MORF4L1: variants seen among roughly 807,000 people sequenced by gnomAD.
The protein encoded by MORF4L1 is mortality factor 4-like protein 1.
Under a neutral mutation model 52.9 loss-of-function variants are expected in MORF4L1, and 4 were observed. The observed-to-expected ratio is 0.08, with a 90% CI of 0.04 to 0.17. The LOEUF (loss-of-function observed/expected upper bound fraction) is 0.17. Ranked by LOEUF, MORF4L1 falls within the 10% of genes least tolerant of loss-of-function variation. The probability of loss-of-function intolerance (pLI) is 1.00; values close to 1 mark genes in which losing one functional copy is unlikely to be tolerated. For synonymous variants in MORF4L1, 123 were observed against 134.8 expected (o/e 0.91, Z 0.61); for missense variants, 214 against 390.4 (o/e 0.55, Z 3.81).
At chr15:78,890,907 GAACT>G in intron 5 of MORF4L1, 78 bp from the exon 6 acceptor site, 1 of 1,251,896 alleles carries the variant, frequency 8.0e-7, no homozygotes, top group Non-Finnish European at 1.0e-6. Flanking sequence ...ATTTCTCTGT[GAACT>G]TAACCCTGAT....
At chr15:78,876,426 A>G (rs750613702) in intron 1 of MORF4L1, 2 of 393,118 alleles carry the variant, frequency 5.1e-6, no homozygotes, top group Non-Finnish European at 1.0e-5. Flanking sequence ...TGTTTTGTTT[A>G]GATTTTGAGA....
chr15:78,892,352 T>TA, intron 8 of MORF4L1, 39 bp downstream of exon 8: 3 of 1,451,868 alleles, frequency 2.1e-6, no homozygotes, highest in Non-Finnish European at 2.9e-6. Flanking sequence ...AGCTATATGA[T>TA]ACATTCTTGC....
intron 2 of MORF4L1, among the ~76,000 whole-genome samples, chr15:78,879,672 A>C (rs946688175): frequency 1.3e-5 from 2 of 152,128 alleles, no homozygotes; most frequent in Non-Finnish European, 2.9e-5. Context: ...GCTGTGACGT[A>C]CAAGCCTGTA....
chr15:78,887,324 G>A lies in MORF4L1; in HGVS notation c.298G>A (p.Gly100Ser), dbSNP rs2056723381. 6.2e-7 allele frequency: 1 copy of A among 1,611,804 alleles called. No homozygotes were observed. The highest frequency in any genetic ancestry group is 8.5e-7 in the Non-Finnish European group (1 of 1,179,504). ...RGAAPGKKTS[G>S]LQQKNVEVKT... ...GGCTGCCCCAGGAAAGAAGACATCTGGTCTGCAACAGAAAAATGTTGAAGT... is the reference window on the plus strand; with the variant it reads ...GGCTGCCCCAGGAAAGAAGACATCTAGTCTGCAACAGAAAAATGTTGAAGT... Residue 100 changes from glycine (G) to serine (S), a missense_variant, in exon 5 of 12, where the codon GGT becomes AGT. This residue lies in a region of MORF4L1 where 84 missense variants were observed against 116.3 expected (regional missense o/e 0.72). Coordinates refer to ENST00000426013, the MANE Select transcript of MORF4L1 (RefSeq NM_006791.4).
chr15:78,873,085 A>G (rs546504963), intron 1 of MORF4L1, 28 bp downstream of exon 1: 1 of 1,550,028 alleles, frequency 6.5e-7, no homozygotes, highest in African/African-American at 1.4e-5. Flanking sequence ...GGAAAAAGGC[A>G]CCTAACGGCG....
At chr15:78,873,876 GTAAA>G (rs1042673870) in intron 1 of MORF4L1, 1 of 152,254 alleles carries the variant, frequency 6.6e-6, no homozygotes, top group African/African-American at 2.4e-5. Context: ...CTCGTAAAAA[GTAAA>G]TAAAAATGAT....
rs370084173 is a variant in MORF4L1, at chr15:78,873,029, G to A, written c.12G>A (p.Lys4=). 123 of 1,552,718 alleles carry A rather than the reference G, an allele frequency of 7.9e-5. No individual in the cohort carries two copies. Among genetic ancestry groups the A allele is most frequent in the Non-Finnish European group, 9.5e-5 (109 of 1,147,436 alleles). MAP[K]QDPKPKFQEG... ...CGAATCACTTATAAATGGCGCCGAAGCAGGACCCGAAGCCTAAATTCCAGG... is the reference window on the plus strand; with the variant it reads ...CGAATCACTTATAAATGGCGCCGAAACAGGACCCGAAGCCTAAATTCCAGG... The change falls in exon 1 of 12, where the codon AAG becomes AAA. Residue 4 remains lysine, a synonymous_variant. Coordinates refer to ENST00000426013, the MANE Select transcript of MORF4L1 (RefSeq NM_006791.4).
In MORF4L1 at chr15:78,879,910, G is replaced by A. The variant is rs150086538; in HGVS notation, c.88-602G>A. On this transcript the variant is annotated intron_variant, in intron 2 of 11. Transcript: ENST00000426013. ...CCTGACACTCTGGTGAACAATTTTCGAATTGAAGCTATTGAAACAAATTAA... is the reference window on the plus strand; with the variant it reads ...CCTGACACTCTGGTGAACAATTTTCAAATTGAAGCTATTGAAACAAATTAA... Among the ~76,000 whole-genome samples, 1,490 of 152,228 alleles carry A rather than the reference G, an allele frequency of 9.8e-3. 30 individuals carry two copies. Among genetic ancestry groups the A allele is most frequent in the African/African-American group, 0.035 (1,439 of 41,532 alleles).
intron 1 of MORF4L1, among the ~76,000 whole-genome samples, chr15:78,875,019 C>T (rs1162325099): frequency 6.6e-6 from 1 of 152,032 alleles, no homozygotes; most frequent in Non-Finnish European, 1.5e-5. Context: ...TTTCAGTTAT[C>T]GCATTCTTAT....
chr15:78,876,501 G>C, intron 1 of MORF4L1: 1 of 455,696 alleles, frequency 2.2e-6, no homozygotes, highest in Non-Finnish European at 4.4e-6. Context: ...CAAAATACTA[G>C]GGCCTCGTAG....
intron 1 of MORF4L1, among the ~76,000 whole-genome samples, chr15:78,874,579 CTTTCT>C (rs2056444027): frequency 3.1e-5 from 3 of 97,698 alleles, no homozygotes; most frequent in Admixed American, 1.5e-4. Context: ...TTTTCTTTTT[CTTTCT>C]TTTTTTTTTT....
At chr15:78,884,940 T>C (rs760390916) in intron 3 of MORF4L1, 2 of 1,540,286 alleles carry the variant, frequency 1.3e-6, no homozygotes, top group South Asian at 2.3e-5. Flanking sequence ...TCACTGAGAT[T>C]ACTTTGTACT....
At chr15:78,889,774 A>T (rs984185419) in intron 5 of MORF4L1, among the ~76,000 whole-genome samples, 1 of 152,216 alleles carries the variant, frequency 6.6e-6, no homozygotes, top group Non-Finnish European at 1.5e-5. Flanking sequence ...TAAGACCTAA[A>T]TTAAATGAAT....
In MORF4L1 at chr15:78,885,174, G is replaced by A. The variant is rs2056678451; in HGVS notation, c.156-967G>A. ...CTTGGCTGTATTATATAAGAGGTCA[G>A]AGGTGGGAAATCATTAAACAAAAGA... On this transcript the variant is annotated intron_variant, in intron 3 of 11. Coordinates refer to ENST00000426013, the MANE Select transcript of MORF4L1 (RefSeq NM_006791.4). 1.4e-5 allele frequency: 14 copies of A among 1,003,852 alleles called. No individual in the cohort carries two copies. In the South Asian group the frequency reaches 2.5e-4, roughly 18 times the overall value. The allele number at this position is 1,003,852 out of a possible 1,614,324, so 62.2% of individuals were successfully genotyped here.
At chr15:78,894,593 G>C (rs1254509695) in intron 10 of MORF4L1, 1 of 493,154 alleles carries the variant, frequency 2.0e-6, no homozygotes, top group Non-Finnish European at 3.6e-6. Context: ...ATTTTCTGTA[G>C]AGATGGGGTT....
chr15:78,896,689 A>G (rs969905570), intron 11 of MORF4L1, among the ~76,000 whole-genome samples: 43 of 152,140 alleles, frequency 2.8e-4, no homozygotes, highest in Non-Finnish European at 4.4e-5. Flanking sequence ...ACTGTTTCTT[A>G]AAGATGGTTC....
rs1228043089 is a variant in MORF4L1, at chr15:78,872,991, AAGG to A, written c.-20_-18del. 19 of 1,548,596 alleles carry A rather than the reference AAGG, an allele frequency of 1.2e-5. No homozygotes were observed. The African/African-American group carries it at 2.3e-4, about 19-fold the overall frequency. On this transcript the variant is annotated 5_prime_UTR_variant, in exon 1 of 12. Coordinates refer to ENST00000426013, the MANE Select transcript of MORF4L1 (RefSeq NM_006791.4). ...GGGCGGTAGTCGGGGGTGGTGGGAG[AAGG>A]AGGAGGCGGCGAATCACTTATAAAT...
At chr15:78,890,045 A>T (rs1208922465) in intron 5 of MORF4L1, among the ~76,000 whole-genome samples, 1 of 152,118 alleles carries the variant, frequency 6.6e-6, no homozygotes, top group Non-Finnish European at 1.5e-5. Flanking sequence ...CAACATGGTG[A>T]AATCCCGTCT....
chr15:78,873,174 G>A, intron 1 of MORF4L1, 117 bp downstream of exon 1: 2 of 1,531,284 alleles, frequency 1.3e-6, no homozygotes, highest in South Asian at 2.4e-5. Flanking sequence ...GAAGGCGGCG[G>A]TCAGTGCTTT....
Sources: gnomAD v4.1 joint callset for allele counts (sites outside exome capture counted in the v4.1 genomes callset) on GRCh38, gnomAD v4.1.1 for gene constraint, gnomAD v4.1.1 regional missense constraint, MANE v1.5 for transcripts, NCBI Gene and HGNC (gene_info 2026-07-23, HGNC 2026-07-21) for gene names.